IP6K1: variants seen among roughly 807,000 people sequenced by gnomAD.
IP6K1 encodes inositol hexakisphosphate kinase 1.
IP6K1 carries 13 observed loss-of-function variants against 38.3 expected under a neutral mutation model. The observed-to-expected ratio is 0.34, with a 90% CI of 0.22 to 0.54. The LOEUF (loss-of-function observed/expected upper bound fraction) is 0.54. IP6K1 is among the 20% of genes least tolerant of loss of function. IP6K1 has a pLI of 0.92. For missense variants in IP6K1, 397 were observed against 599.8 expected, an observed-to-expected ratio of 0.66 and a Z score of 3.53; for synonymous variants, 212 against 229.9, an observed-to-expected ratio of 0.92 and a Z score of 0.70.
chr3:49,768,343 TA>T (rs2108255758), intron 1 of IP6K1, among the ~76,000 whole-genome samples: 2 of 152,312 alleles, frequency 1.3e-5, no homozygotes, highest in East Asian at 3.9e-4. Context: ...TACAGTGAAA[TA>T]TTATTCAGCC....
chr3:49,764,811 G>A (rs1473397566), intron 1 of IP6K1, among the ~76,000 whole-genome samples: 7 of 151,674 alleles, frequency 4.6e-5, no homozygotes, highest in South Asian at 4.2e-4. Context: ...CCTGGGAGGC[G>A]GAGGTTGCAG....
At chr3:49,757,702 A>G (rs1253922588) in intron 1 of IP6K1, among the ~76,000 whole-genome samples, 2 of 151,936 alleles carry the variant, frequency 1.3e-5, no homozygotes, top group Non-Finnish European at 2.9e-5. Flanking sequence ...CCTGGGTAAC[A>G]AAGTGAGTCC....
rs71080545 is a variant in IP6K1, at chr3:49,731,887, C to CAAAAAAAAAAAAAAAAAAAAAAAAAAAA, written c.616+903_616+904insTTTTTTTTTTTTTTTTTTTTTTTTTTTT. On this transcript the variant is annotated intron_variant, in intron 4 of 5. Transcript: ENST00000321599. The stretch of plus-strand genomic sequence containing the variant: ...TGGGTAACAGAGTGAGACTCTGTCT[C>CAAAAAAAAAAAAAAAAAAAAAAAAAAAA]AAAAAAAAAAAAAAAAAAGGAATTC... Among the ~76,000 whole-genome samples the CAAAAAAAAAAAAAAAAAAAAAAAAAAAA allele has an allele frequency of 3.5e-4, 23 of 65,328 alleles. 1 individual carries two copies. The highest frequency in any genetic ancestry group is 2.1e-3 in the South Asian group (3 of 1,412). The allele number at this position is 65,328 out of a possible 152,430, so 42.9% of individuals were successfully genotyped here. A position where few individuals can be genotyped will look rare whatever the true frequency, so the allele number is the denominator to read the frequency against.
intron 3 of IP6K1, 61 bp downstream of exon 3, chr3:49,738,151 G>T: frequency 7.4e-7 from 1 of 1,356,816 alleles, no homozygotes; most frequent in Non-Finnish European, 1.1e-6. Context: ...CCCATGATGT[G>T]TCAGGACTAT....
chr3:49,734,081 T>A (rs2080585309), intron 3 of IP6K1, among the ~76,000 whole-genome samples: 1 of 152,178 alleles, frequency 6.6e-6, no homozygotes, highest in South Asian at 2.1e-4. Context: ...GAGGATGCAC[T>A]GAGCCATGAT....
At chr3:49,778,540 G>A (rs2081038560) in intron 1 of IP6K1, among the ~76,000 whole-genome samples, 1 of 152,124 alleles carries the variant, frequency 6.6e-6, no homozygotes, top group South Asian at 2.1e-4. Context: ...GGCTGAGGCA[G>A]GAAAATCAGT....
intron 1 of IP6K1, among the ~76,000 whole-genome samples, chr3:49,763,186 C>A (rs1240421037): frequency 6.7e-6 from 1 of 149,898 alleles, no homozygotes; most frequent in Non-Finnish European, 1.5e-5. Flanking sequence ...TCACTGCAAG[C>A]TCCGCCTCCC....
intron 1 of IP6K1, among the ~76,000 whole-genome samples, chr3:49,757,681 CTA>C (rs2080836026): frequency 6.6e-6 from 1 of 152,034 alleles, no homozygotes; most frequent in Admixed American, 6.6e-5. Context: ...GATTGCGCCA[CTA>C]CACTCCAGCC....
In IP6K1 at chr3:49,724,511, AGAAC is replaced by A. The variant is rs1374743442; in HGVS notation, c.*2607_*2610del. 3.5e-4 allele frequency: 54 copies of A among 152,326 alleles called. No homozygotes were observed. 9.4% of individuals were successfully genotyped at this position (152,326 alleles called of 1,614,324 possible). On this transcript the variant is annotated 3_prime_UTR_variant, in exon 6 of 6. Transcript: ENST00000321599. ...GAAAGAGCAGCAGAGAGCGATTCCC[AGAAC>A]GCGAGGGCTTACAGTTCCCCGAGAA... is the stretch of plus-strand genomic sequence containing the variant.
intron 3 of IP6K1, 85 bp downstream of exon 3, chr3:49,738,125 CTG>C: frequency 1.8e-6 from 2 of 1,097,110 alleles, no homozygotes; most frequent in Non-Finnish European, 2.7e-6. Context: ...CCAACCTTGA[CTG>C]TGAGCCCTGC....
chr3:49,783,659 G>C (rs887918086), intron 1 of IP6K1, among the ~76,000 whole-genome samples: 4 of 149,974 alleles, frequency 2.7e-5, no homozygotes, highest in Non-Finnish European at 4.4e-5. Flanking sequence ...CTTGCAGTAA[G>C]CCAAGACCAT....
Position 49,727,460 on chromosome 3 carries a change from A to C in IP6K1, c.988T>G (p.Phe330Val). ...AVLERQASYR[F>V]YSSSLLVIYD... Reference sequence around the variant, plus strand: ...ATGACAAGCAGGGAACTGGAGTAGAAGCGGTAAGAGGCCTGCCGCTCCAGC... The same window carrying C: ...ATGACAAGCAGGGAACTGGAGTAGACGCGGTAAGAGGCCTGCCGCTCCAGC... The change falls in exon 6 of 6, where the codon TTC (phenylalanine) becomes GTC (valine). Residue 330 changes from phenylalanine (F) to valine (V), a missense_variant. By Grantham distance (50) the Phe-to-Val change is conservative. This residue lies in a region of IP6K1 where 164 missense variants were observed against 213.5 expected (regional missense o/e 0.77). Transcript: ENST00000321599. This position sits in a 1 kb window ranked among gnomAD's most constrained non-coding sequence, Gnocchi z 5.9. 1 of 1,614,124 alleles carries C rather than the reference A, an allele frequency of 6.2e-7. No homozygotes were observed. The highest frequency in any genetic ancestry group is 8.5e-7 in the Non-Finnish European group (1 of 1,180,030).
intron 1 of IP6K1, among the ~76,000 whole-genome samples, chr3:49,772,721 G>T (rs1214611139): frequency 1.4e-5 from 2 of 147,252 alleles, no homozygotes; most frequent in East Asian, 2.1e-4. Flanking sequence ...CTTCTGACTA[G>T]CCAATTTCTC....
intron 2 of IP6K1, among the ~76,000 whole-genome samples, chr3:49,745,544 A>G (rs1313306046): frequency 6.6e-6 from 1 of 151,786 alleles, no homozygotes; most frequent in East Asian, 1.9e-4. Flanking sequence ...ATATGGCAAA[A>G]CCCCGTCTCT....
Position 49,744,329 on chromosome 3 carries a change from G to C in IP6K1, c.223+3489C>G, listed in dbSNP as rs183621557. On this transcript the variant is annotated intron_variant, in intron 2 of 5. Coordinates refer to ENST00000321599, the MANE Select transcript of IP6K1 (RefSeq NM_153273.4). ...AGGCAGAAGAATGGCGTGAACCCGG[G>C]GGGCAGAGCTTGCAGTGAGGCGAGA... Among the ~76,000 whole-genome samples, 50 of 149,848 alleles carry C rather than the reference G, an allele frequency of 3.3e-4. No homozygotes were observed. The East Asian group carries it at 5.1e-3, about 15-fold the overall frequency.
chr3:49,786,025 T>C (rs574526459), intron 1 of IP6K1: 35 of 152,354 alleles, frequency 2.3e-4, no homozygotes, highest in African/African-American at 8.2e-4. Context: ...GCAACATAAC[T>C]CCCAGGAGAG....
At chr3:49,763,779 G>A (rs1221378651) in intron 1 of IP6K1, among the ~76,000 whole-genome samples, 10 of 152,220 alleles carry the variant, frequency 6.6e-5, no homozygotes, top group African/African-American at 2.4e-4. Flanking sequence ...ACTTTGGGAG[G>A]CTGAGGCGGG....
intron 1 of IP6K1, among the ~76,000 whole-genome samples, chr3:49,753,692 GTTC>G (rs1300892202): frequency 3.3e-5 from 5 of 152,088 alleles, no homozygotes; most frequent in Non-Finnish European, 5.9e-5. Flanking sequence ...AAAGGGACAA[GTTC>G]TTTTTGTTTT....
intron 1 of IP6K1, among the ~76,000 whole-genome samples, chr3:49,751,985 T>C (rs545734173): frequency 3.3e-5 from 5 of 152,306 alleles, no homozygotes; most frequent in Non-Finnish European, 5.9e-5. Context: ...AAGAAGTTTC[T>C]CATGTTAATG....
Sources: allele counts gnomAD v4.1 joint callset (sites outside exome capture counted in the v4.1 genomes callset), GRCh38; gene constraint gnomAD v4.1.1; regional missense constraint gnomAD v4.1.1; non-coding constraint Gnocchi (gnomAD v3.1); transcripts MANE v1.5; gene names NCBI Gene and HGNC (gene_info 2026-07-23, HGNC 2026-07-21).